NPFFR2: variants seen among roughly 807,000 people sequenced by gnomAD.
NPFFR2 encodes neuropeptide FF receptor 2.
NPFFR2 carries 15 observed loss-of-function variants against 13.1 expected under a neutral mutation model. The ratio of observed to expected loss-of-function variants is 1.15; its 90% CI spans 0.77 to 1.76. The LOEUF is 1.76. Ranked by LOEUF, NPFFR2 falls within the 40% of genes most tolerant of loss-of-function variation. The probability of loss-of-function intolerance (pLI) is 0.00; values close to 1 mark genes in which losing one functional copy is unlikely to be tolerated. For missense variants in NPFFR2, 572 were observed against 503.5 expected, an observed-to-expected ratio of 1.14 and a Z score of -1.30; for synonymous variants, 190 against 175.7, an observed-to-expected ratio of 1.08 and a Z score of -0.65.
chr4:72,104,564 G>A (rs2109813378), intron 1 of NPFFR2, among the ~76,000 whole-genome samples: 1 of 152,042 alleles, frequency 6.6e-6, no homozygotes, highest in East Asian at 1.9e-4. Flanking sequence ...AAACCCCAAA[G>A]CATATATAGC....
intron 3 of NPFFR2, among the ~76,000 whole-genome samples, chr4:72,140,844 C>T (rs1368494621): frequency 6.6e-6 from 1 of 152,096 alleles, no homozygotes; most frequent in East Asian, 1.9e-4. Context: ...ATAGTACCAG[C>T]TCCTCTTTGT....
chr4:72,081,901 T>G (rs72856161), intron 1 of NPFFR2, among the ~76,000 whole-genome samples: 4,815 of 152,260 alleles, frequency 0.032, 247 homozygotes, highest in African/African-American at 0.11. Flanking sequence ...AACATTTTGT[T>G]GAACAGCTGT....
intron 1 of NPFFR2, among the ~76,000 whole-genome samples, chr4:72,057,176 A>T (rs553576195): frequency 9.9e-4 from 74 of 74,386 alleles, no homozygotes; most frequent in African/African-American, 3.0e-3. Context: ...TTTAAAAATT[A>T]CCACTTGGCA....
intron 1 of NPFFR2, among the ~76,000 whole-genome samples, chr4:72,080,278 C>T (rs922403968): frequency 8.6e-5 from 13 of 152,010 alleles, no homozygotes; most frequent in African/African-American, 2.4e-4. Context: ...AATTCTCCTG[C>T]CTCAGTCTCC....
intron 1 of NPFFR2, among the ~76,000 whole-genome samples, chr4:72,038,905 C>CTTTTTTTTTTTTTTTTTTTTTTT (rs1158358179): frequency 1.2e-5 from 1 of 84,738 alleles, no homozygotes; most frequent in Non-Finnish European, 2.1e-5. Flanking sequence ...AATTTCCTTT[C>CTTTTTTTTTTTTTTTTTTTTTTT]TTTTTTTTTT....
In NPFFR2 at chr4:72,147,577, G is replaced by C; in HGVS notation, c.1028G>C (p.Gly343Ala). 6.2e-7 allele frequency: 1 copy of C among 1,614,174 alleles called. No homozygotes were observed. The highest frequency in any genetic ancestry group is 8.5e-7 in the Non-Finnish European group (1 of 1,180,032). Residue 343 changes from glycine to alanine, a missense_variant, in exon 4 of 4, where the codon GGT becomes GCT. Physicochemically the swap from Gly to Ala is moderately conservative, Grantham distance 60. Coordinates refer to ENST00000308744, the MANE Select transcript of NPFFR2 (RefSeq NM_004885.3). ...TTCTTCAACGAGAATTTCCGCCGTG[G>C]TTTCCAAGAAGCTTTCCAGCTCCAG... ...YGFFNENFRRGFQEAFQLQLC... is the reference protein window; with the variant it reads ...YGFFNENFRRAFQEAFQLQLC...
chr4:72,060,104 G>C (rs1686415565), intron 1 of NPFFR2, among the ~76,000 whole-genome samples: 1 of 152,108 alleles, frequency 6.6e-6, no homozygotes, highest in South Asian at 2.1e-4. Flanking sequence ...AATTGGGTGA[G>C]AGACTATAGT....
chr4:72,038,393 A>T (rs566359274), intron 1 of NPFFR2, among the ~76,000 whole-genome samples: 1 of 152,296 alleles, frequency 6.6e-6, no homozygotes, highest in Admixed American at 6.5e-5. Context: ...CCTAGAACAG[A>T]GTCTAGTGCA....
At chr4:72,035,027 G>A (rs147023869) in intron 1 of NPFFR2, among the ~76,000 whole-genome samples, 15 of 152,304 alleles carry the variant, frequency 9.8e-5, no homozygotes, top group African/African-American at 3.1e-4. Context: ...TTCCTCAAAC[G>A]TAAAAGGATG....
intron 1 of NPFFR2, among the ~76,000 whole-genome samples, chr4:72,102,742 G>A (rs537703304): frequency 6.7e-4 from 102 of 152,054 alleles, no homozygotes; most frequent in African/African-American, 2.3e-3. Flanking sequence ...TGGTGTATAT[G>A]TGCCACATTT....
chr4:72,067,757 T>G (rs1401103498), intron 1 of NPFFR2, among the ~76,000 whole-genome samples: 1 of 152,206 alleles, frequency 6.6e-6, no homozygotes, highest in African/African-American at 2.4e-5. Context: ...TCCTACAAAG[T>G]CCTAGGACAT....
At chr4:72,052,430 TG>T (rs1322132693) in intron 1 of NPFFR2, among the ~76,000 whole-genome samples, 2 of 149,736 alleles carry the variant, frequency 1.3e-5, no homozygotes, top group Admixed American at 1.3e-4. Flanking sequence ...AAAAGGCCTT[TG>T]ACAAAATTCA....
chr4:72,051,756 A>G (rs1385917812), intron 1 of NPFFR2, among the ~76,000 whole-genome samples: 1 of 152,218 alleles, frequency 6.6e-6, no homozygotes. Flanking sequence ...AGCAAGACTA[A>G]TAAAGAAAAA....
intron 1 of NPFFR2, among the ~76,000 whole-genome samples, chr4:72,080,620 A>G (rs1310732420): frequency 6.6e-6 from 1 of 152,142 alleles, no homozygotes; most frequent in Non-Finnish European, 1.5e-5. Context: ...TTGTTCCTCA[A>G]TTTCAGCTGA....
At chr4:72,061,083 G>A (rs1367425138) in intron 1 of NPFFR2, among the ~76,000 whole-genome samples, 2 of 152,148 alleles carry the variant, frequency 1.3e-5, no homozygotes, top group Non-Finnish European at 2.9e-5. Context: ...GCTGCTGGCT[G>A]TAGGTTTTAG....
chr4:72,103,655 A>G (rs1721324039), intron 1 of NPFFR2, among the ~76,000 whole-genome samples: 2 of 152,150 alleles, frequency 1.3e-5, no homozygotes, highest in South Asian at 4.1e-4. Flanking sequence ...ATCAAAAAAA[A>G]TCTGTGAAGG....
intron 1 of NPFFR2, among the ~76,000 whole-genome samples, chr4:72,088,132 C>T (rs570707374): frequency 8.6e-5 from 13 of 151,920 alleles, no homozygotes; most frequent in Admixed American, 7.2e-4. Context: ...AGGATAATAG[C>T]GACTTAAAAT....
chr4:72,055,191 G>A (rs1316539614), intron 1 of NPFFR2, among the ~76,000 whole-genome samples: 1 of 151,976 alleles, frequency 6.6e-6, no homozygotes, highest in Non-Finnish European at 1.5e-5. Context: ...TTTGCAAATT[G>A]AAAGTTTGTG....
Position 72,067,087 on chromosome 4 carries a change from C to T in NPFFR2, c.-8+34887C>T, listed in dbSNP as rs368055311. Reference sequence around the variant, plus strand: ...GGCCCCGATCCTCTCTGAGGGGCGTCCTTTGAAATCTTGGTGGAGGTGAAA... The same window carrying T: ...GGCCCCGATCCTCTCTGAGGGGCGTTCTTTGAAATCTTGGTGGAGGTGAAA... On this transcript the variant is annotated intron_variant, in intron 1 of 3. Transcript: ENST00000308744. Among the ~76,000 whole-genome samples, 3 of 152,124 alleles carry T rather than the reference C, an allele frequency of 2.0e-5. No homozygotes were observed. The East Asian group carries it at 5.8e-4, about 29-fold the overall frequency.
Sources: gnomAD v4.1 joint callset for allele counts (sites outside exome capture counted in the v4.1 genomes callset) on GRCh38, gnomAD v4.1.1 for gene constraint, MANE v1.5 for transcripts, NCBI Gene and HGNC (gene_info 2026-07-23, HGNC 2026-07-21) for gene names.